Variants in KIAA1217 observed in about 807,000 individuals in gnomAD.
KIAA1217 encodes sickle tail protein homolog.
KIAA1217 carries 88 observed loss-of-function variants against 163.9 expected under a neutral mutation model. The ratio of observed to expected loss-of-function variants is 0.54; its 90% CI spans 0.45 to 0.64. The LOEUF (loss-of-function observed/expected upper bound fraction) is 0.64. KIAA1217 is among the 30% of genes least tolerant of loss of function. KIAA1217 has a pLI of 0.00. For synonymous variants in KIAA1217, 903 were observed against 923.1 expected, an observed-to-expected ratio of 0.98 and a Z score of 0.39; for missense variants, 2,372 against 2,475.0, an observed-to-expected ratio of 0.96 and a Z score of 0.88.
chr10:23,766,538 A>G (rs1834524558), intron 1 of KIAA1217, among the ~76,000 whole-genome samples: 1 of 150,886 alleles, frequency 6.6e-6, no homozygotes, highest in Non-Finnish European at 1.5e-5. Flanking sequence ...GAACAAGAAC[A>G]CATCATTCTT....
intron 1 of KIAA1217, among the ~76,000 whole-genome samples, chr10:23,938,416 A>C (rs1181177863): frequency 1.3e-5 from 2 of 152,160 alleles, no homozygotes; most frequent in Non-Finnish European, 2.9e-5. Context: ...TACATAGGTA[A>C]GTATGTATAT....
In KIAA1217 at chr10:23,798,482, G is replaced by A. The variant is rs533499268; in HGVS notation, c.-321+103248G>A. On this transcript the variant is annotated intron_variant, in intron 1 of 18. Coordinates refer to the KIAA1217 transcript ENST00000376462. Reference sequence around the variant, plus strand: ...CTCTGAGTTCTTTATGCCACTTCACGTTAATTTTTAAAGAAGATATATCCC... The same window carrying A: ...CTCTGAGTTCTTTATGCCACTTCACATTAATTTTTAAAGAAGATATATCCC... 1.1e-4 allele frequency among the ~76,000 whole-genome samples: 17 copies of A among 152,234 alleles called. 1 individual carries two copies. The East Asian group carries it at 1.4e-3, about 12-fold the overall frequency.
chr10:24,339,070 A>G (rs1446813117), intron 2 of KIAA1217, among the ~76,000 whole-genome samples: 1 of 152,190 alleles, frequency 6.6e-6, no homozygotes, highest in Non-Finnish European at 1.5e-5. Context: ...TACTATGTGG[A>G]TTGAATAAAA....
chr10:23,791,408 A>T (rs945019682), intron 1 of KIAA1217, among the ~76,000 whole-genome samples: 4 of 152,210 alleles, frequency 2.6e-5, no homozygotes, highest in Admixed American at 2.6e-4. Flanking sequence ...TTTGAAAAAA[A>T]GAAAGCCAGA....
At chr10:23,936,044 C>G (rs1230510434) in intron 1 of KIAA1217, among the ~76,000 whole-genome samples, 1 of 152,184 alleles carries the variant, frequency 6.6e-6, no homozygotes, top group Non-Finnish European at 1.5e-5. Flanking sequence ...GAAGAATCTT[C>G]TAGAACCAGG....
chr10:24,403,559 G>GA (rs2056828196), intron 3 of KIAA1217, among the ~76,000 whole-genome samples: 1 of 152,108 alleles, frequency 6.6e-6, no homozygotes, highest in Non-Finnish European at 1.5e-5. Flanking sequence ...TAACAGGATG[G>GA]AAAGACAAGC....
At chr10:24,414,679 C>T (rs549403245) in intron 3 of KIAA1217, among the ~76,000 whole-genome samples, 2 of 152,266 alleles carry the variant, frequency 1.3e-5, no homozygotes. Flanking sequence ...GGACATGGAC[C>T]CATCGGAGGA....
chr10:23,783,964 A>C (rs1835371342), intron 1 of KIAA1217, among the ~76,000 whole-genome samples: 1 of 150,640 alleles, frequency 6.6e-6, no homozygotes, highest in Admixed American at 6.6e-5. Context: ...TCTTAGGCTA[A>C]GGTTTTGTCG....
intron 1 of KIAA1217, among the ~76,000 whole-genome samples, chr10:23,864,753 ATTAT>A (rs1466427402): frequency 2.0e-5 from 3 of 152,132 alleles, no homozygotes; most frequent in African/African-American, 7.2e-5. Flanking sequence ...TAGAGAGAAC[ATTAT>A]TTATTTTAAG....
At chr10:24,541,668 G>T (rs985568937) in intron 17 of KIAA1217, among the ~76,000 whole-genome samples, 2 of 152,156 alleles carry the variant, frequency 1.3e-5, no homozygotes, top group Non-Finnish European at 2.9e-5. Context: ...TTATGTCAGG[G>T]CCTGAGGCTA....
At chr10:24,031,021 C>T (rs925066522) in intron 2 of KIAA1217, among the ~76,000 whole-genome samples, 1 of 152,102 alleles carries the variant, frequency 6.6e-6, no homozygotes, top group Admixed American at 6.5e-5. Flanking sequence ...TCTTTGCTTT[C>T]ATTTTTTGGG....
At chr10:24,516,081 A>C (rs918881218) in intron 10 of KIAA1217, among the ~76,000 whole-genome samples, 2 of 152,224 alleles carry the variant, frequency 1.3e-5, no homozygotes, top group Admixed American at 6.5e-5. Context: ...TAAAACAAGA[A>C]AGAAGAAAGA....
intron 6 of KIAA1217, among the ~76,000 whole-genome samples, chr10:24,491,196 T>G (rs1448466605): frequency 6.9e-6 from 1 of 145,114 alleles, no homozygotes; most frequent in Non-Finnish European, 1.5e-5. Flanking sequence ...TGTGACATTC[T>G]ATAGTTCTAA....
chr10:24,396,838 T>A (rs2055826241), intron 3 of KIAA1217, among the ~76,000 whole-genome samples: 1 of 152,214 alleles, frequency 6.6e-6, no homozygotes, highest in South Asian at 2.1e-4. Flanking sequence ...GGAAAGAGAA[T>A]GTCTGCTTCA....
In KIAA1217 at chr10:24,092,928, T is replaced by TGTTGTGTGTGTG. The variant is rs548350322; in HGVS notation, c.-171+85554_-171+85555insGTTGTGTGTGTG. 2.7e-3 allele frequency among the ~76,000 whole-genome samples: 378 copies of TGTTGTGTGTGTG among 141,052 alleles called. 7 individuals carry two copies. Among genetic ancestry groups the TGTTGTGTGTGTG allele is most frequent in the African/African-American group, 9.0e-3 (327 of 36,508 alleles). The allele number at this position is 141,052 out of a possible 152,430, so 92.5% of individuals were successfully genotyped here. ...TAGTGTGTGTGTGTGTGTGTGTGTG[T>TGTTGTGTGTGTG]TGTGTGTGTGTGTGTGTGTGTGTGT... On this transcript the variant is annotated intron_variant, in intron 2 of 18. Transcript: ENST00000376462.
In KIAA1217 at chr10:23,741,389, A is replaced by AT. The variant is rs528521781; in HGVS notation, c.-321+46163dup. On this transcript the variant is annotated intron_variant, in intron 1 of 18. Coordinates refer to the KIAA1217 transcript ENST00000376462. ...CCTCCCTTTCTTCTCTCTTTTCCTT[A>AT]TTTTTTTTCTGCTTATGCCTTTTGA... Among the ~76,000 whole-genome samples the AT allele has an allele frequency of 4.6e-4, 69 of 151,078 alleles. 2 individuals are homozygous for AT. In the South Asian group the frequency reaches 0.012, roughly 27 times the overall value.
chr10:24,189,847 C>T (rs2066630792), intron 2 of KIAA1217, among the ~76,000 whole-genome samples: 1 of 151,960 alleles, frequency 6.6e-6, no homozygotes, highest in Admixed American at 6.6e-5. Context: ...GAGACCGCAT[C>T]TCTACAAAAT....
intron 2 of KIAA1217, among the ~76,000 whole-genome samples, chr10:24,270,012 TG>T (rs1410693013): frequency 6.6e-6 from 1 of 152,206 alleles, no homozygotes; most frequent in Non-Finnish European, 1.5e-5. Context: ...AATCGCCCCC[TG>T]CCACAGGAGT....
At chr10:24,115,005 C>A (rs540417016) in intron 2 of KIAA1217, among the ~76,000 whole-genome samples, 65 of 152,332 alleles carry the variant, frequency 4.3e-4, no homozygotes, top group African/African-American at 1.5e-3. Context: ...AAAATGCTAC[C>A]TTTTCAGGAA....
Sources: gnomAD v4.1 joint callset for allele counts (sites outside exome capture counted in the v4.1 genomes callset) on GRCh38, gnomAD v4.1.1 for gene constraint, MANE v1.5 for transcripts, NCBI Gene and HGNC (gene_info 2026-07-23, HGNC 2026-07-21) for gene names.